PSMA1: variants seen among roughly 807,000 people sequenced by gnomAD.
The protein encoded by PSMA1 is proteasome 20S subunit alpha 1, also known as proteasome subunit alpha type-1.
A neutral mutation model predicts 38.4 loss-of-function variants in PSMA1; 3 were observed. The ratio of observed to expected loss-of-function variants is 0.08; its 90% CI spans 0.04 to 0.20. The LOEUF (loss-of-function observed/expected upper bound fraction) is 0.20, where lower values mean the gene tolerates loss of function less well. Ranked by LOEUF, PSMA1 falls within the 10% of genes least tolerant of loss-of-function variation. PSMA1 has a pLI of 1.00. For synonymous variants in PSMA1, 101 were observed against 107.1 expected (o/e 0.94, Z 0.35); for missense variants, 227 against 325.3 (o/e 0.70, Z 2.32).
At position 14,620,358 on chromosome 11, in the gene PSMA1, T is replaced by C. The variant is rs1852829849; in HGVS notation, c.-165-9207A>G. 1.3e-5 allele frequency among the ~76,000 whole-genome samples: 2 copies of C among 152,202 alleles called. 1 individual carries two copies. Among genetic ancestry groups the C allele is most frequent in the African/African-American group, 4.8e-5 (2 of 41,462 alleles). ...CTCTTGGCTTTTCAGGTGACTTCAC[T>C]TGCAAGGGTTATAGAAAAGGCCACA... On this transcript the variant is annotated intron_variant, in intron 1 of 10. Coordinates refer to the PSMA1 transcript ENST00000418988.
intron 2 of PSMA1, among the ~76,000 whole-genome samples, chr11:14,578,205 C>A (rs1852242474): frequency 6.6e-6 from 1 of 152,012 alleles, no homozygotes; most frequent in Non-Finnish European, 1.5e-5. Flanking sequence ...CACATGTACC[C>A]CAGAGCTTAA....
At chr11:14,591,019 G>C (rs1727140427) in intron 2 of PSMA1, among the ~76,000 whole-genome samples, 1 of 152,240 alleles carries the variant, frequency 6.6e-6, no homozygotes, top group Non-Finnish European at 1.5e-5. Context: ...CCCCTTTCTG[G>C]GCTGGGCAAG....
chr11:14,539,919 T>C (rs1851753393), intron 2 of PSMA1, among the ~76,000 whole-genome samples: 1 of 151,766 alleles, frequency 6.6e-6, no homozygotes, highest in African/African-American at 2.4e-5. Flanking sequence ...AAAAAAATCC[T>C]ATATGGCTAA....
chr11:14,507,839 T>A, intron 8 of PSMA1, 73 bp from the exon 9 acceptor site: 1 of 1,010,100 alleles, frequency 9.9e-7, no homozygotes, highest in South Asian at 1.4e-5. Flanking sequence ...AAATATTGGG[T>A]GAAAAAAGCA....
At chr11:14,505,529 C>T (rs2597221) in intron 9 of PSMA1, among the ~76,000 whole-genome samples, 100,102 of 150,818 alleles carry the variant, frequency 0.66, 33,225 homozygotes, top group African/African-American at 0.71. Context: ...ATGCAGATTT[C>T]TTTTTCTTTT....
At chr11:14,618,215 C>T (rs1852799734) in intron 1 of PSMA1, among the ~76,000 whole-genome samples, 1 of 152,092 alleles carries the variant, frequency 6.6e-6, no homozygotes, top group African/African-American at 2.4e-5. Context: ...TTAATTTATC[C>T]TGCTTTTCTA....
At chr11:14,610,505 T>C (rs1483984159) in intron 2 of PSMA1, among the ~76,000 whole-genome samples, 2 of 152,204 alleles carry the variant, frequency 1.3e-5, no homozygotes, top group Admixed American at 6.5e-5. Flanking sequence ...TGGAAACATG[T>C]ACTCCTTTCA....
chr11:14,581,869 G>A (rs942427527), intron 2 of PSMA1, among the ~76,000 whole-genome samples: 4 of 152,176 alleles, frequency 2.6e-5, no homozygotes, highest in Non-Finnish European at 5.9e-5. Context: ...CAAGATGGTT[G>A]TTGGCAATGC....
At chr11:14,520,007 G>C (rs1851500658) in intron 1 of PSMA1, 1 of 553,898 alleles carries the variant, frequency 1.8e-6, no homozygotes, top group Admixed American at 3.1e-5. Flanking sequence ...GGACCGCTCA[G>C]AATCTACTCC....
intron 2 of PSMA1, among the ~76,000 whole-genome samples, chr11:14,600,140 C>T (rs984550559): frequency 2.0e-5 from 3 of 152,112 alleles, no homozygotes; most frequent in Non-Finnish European, 4.4e-5. Context: ...AGGCAGCCAC[C>T]TATATGAGGT....
At chr11:14,551,972 A>G (rs559868213) in intron 2 of PSMA1, among the ~76,000 whole-genome samples, 138 of 152,328 alleles carry the variant, frequency 9.1e-4, no homozygotes, top group African/African-American at 3.2e-3. Flanking sequence ...ATTTCTTATA[A>G]TAAGAATGTT....
chr11:14,551,462 A>G (rs1351436429), intron 2 of PSMA1, among the ~76,000 whole-genome samples: 2 of 152,196 alleles, frequency 1.3e-5, no homozygotes, highest in Admixed American at 1.3e-4. Flanking sequence ...TGAGGCATAG[A>G]AAAAAGACGG....
At chr11:14,515,845 T>C (rs1851416844) in intron 4 of PSMA1, among the ~76,000 whole-genome samples, 1 of 151,306 alleles carries the variant, frequency 6.6e-6, no homozygotes, top group African/African-American at 2.4e-5. Flanking sequence ...TGAGACACCA[T>C]GCTCAGCCTG....
intron 1 of PSMA1, among the ~76,000 whole-genome samples, chr11:14,625,494 A>G (rs1020204352): frequency 2.6e-5 from 4 of 152,186 alleles, no homozygotes; most frequent in African/African-American, 9.7e-5. Context: ...AGGGAACATA[A>G]TTGACTACTG....
intron 2 of PSMA1, chr11:14,610,841 T>C: frequency 2.1e-6 from 2 of 954,586 alleles, no homozygotes; most frequent in Non-Finnish European, 3.1e-6. Flanking sequence ...TTTCTCTTTT[T>C]GTTTTCTAGC....
chr11:14,506,179 G>A (rs72868052), intron 9 of PSMA1, among the ~76,000 whole-genome samples: 184 of 152,214 alleles, frequency 1.2e-3, no homozygotes, highest in Non-Finnish European at 2.2e-3. Flanking sequence ...CACACTGTTC[G>A]AGGATAACTG....
chr11:14,596,142 T>C (rs945588955), intron 2 of PSMA1, among the ~76,000 whole-genome samples: 9 of 152,262 alleles, frequency 5.9e-5, no homozygotes, highest in Non-Finnish European at 8.8e-5. Flanking sequence ...TTTTGGTTAC[T>C]GTTGGCTTGT....
intron 2 of PSMA1, among the ~76,000 whole-genome samples, chr11:14,571,164 G>A (rs933718261): frequency 7.9e-5 from 12 of 152,284 alleles, no homozygotes; most frequent in African/African-American, 2.2e-4. Flanking sequence ...CCAGGTTCTC[G>A]CCATTCTCCT....
At chr11:14,505,303 C>T (rs1340354251) in intron 9 of PSMA1, 55 bp from the exon 10 acceptor site, 4 of 1,315,844 alleles carry the variant, frequency 3.0e-6, no homozygotes, top group Non-Finnish European at 4.4e-6. Flanking sequence ...GATCAATATA[C>T]ACATCTAATC....
Sources: gnomAD v4.1 joint callset for allele counts (sites outside exome capture counted in the v4.1 genomes callset) on GRCh38, gnomAD v4.1.1 for gene constraint, MANE v1.5 for transcripts, NCBI Gene and HGNC (gene_info 2026-07-23, HGNC 2026-07-21) for gene names.